The following EDA2R variants were observed in gnomAD, a reference collection of about 807,000 sequenced individuals.
EDA2R encodes the protein ectodysplasin A2 receptor.
EDA2R carries 26 observed loss-of-function variants against 20.1 expected under a neutral mutation model. The ratio of observed to expected loss-of-function variants is 1.30; its 90% CI spans 0.95 to 1.80. The LOEUF (loss-of-function observed/expected upper bound fraction) is 1.80. Among genes scored for constraint, EDA2R ranks in the 40% most tolerant of loss-of-function variants. The pLI, the probability that EDA2R is intolerant of heterozygous loss-of-function variation, is 0.00. For missense variants in EDA2R, 277 were observed against 228.7 expected (o/e 1.21, Z -1.36); for synonymous variants, 114 against 88.7 (o/e 1.29, Z -1.60).
At chrX:66,606,145 G>A (rs1433936009) in intron 2 of EDA2R, among the ~76,000 whole-genome samples, 1 of 112,127 alleles carries the variant, frequency 8.9e-6, no homozygotes, top group African/African-American at 3.2e-5. Flanking sequence ...GCTCCTGCCT[G>A]ATACCAGTCA....
chrX:66,632,119 T>C (rs1017452058), intron 1 of EDA2R, among the ~76,000 whole-genome samples: 2 of 111,423 alleles, frequency 1.8e-5, no homozygotes, highest in African/African-American at 6.5e-5. Context: ...ATGGCAGAAG[T>C]TAAATCATGG....
chrX:66,620,965 C>CAAA lies in EDA2R; in HGVS notation c.-10-4938_-10-4936dup, dbSNP rs376190384. On this transcript the variant is annotated intron_variant, in intron 1 of 6. Coordinates refer to ENST00000374719, the MANE Select transcript of EDA2R (RefSeq NM_021783.5). ...TAAAACAGCACTTTATATCCACTACCAAAAAAAAAAAAAAAAAAAAAAAAT... is the reference window on the plus strand; with the variant it reads ...TAAAACAGCACTTTATATCCACTACCAAAAAAAAAAAAAAAAAAAAAAAAAAAT... 8.3e-4 allele frequency among the ~76,000 whole-genome samples: 46 copies of CAAA among 55,283 alleles called. 1 individual carries two copies. The highest frequency in any genetic ancestry group is 3.1e-3 in the South Asian group (2 of 652). The allele number at this position is 55,283 out of a possible 115,157, so 48.0% of individuals were successfully genotyped here.
At position 66,596,212 on chromosome X, in the gene EDA2R, C is replaced by A. The variant is rs1927426087; in HGVS notation, c.*1892G>T. Reference sequence around the variant, plus strand: ...GACCAATAACCCCTTTGTAGAAAGACACATAAAAGCACAGTGCTCAAAGAA... The same window carrying A: ...GACCAATAACCCCTTTGTAGAAAGAAACATAAAAGCACAGTGCTCAAAGAA... On this transcript the variant is annotated 3_prime_UTR_variant, in exon 7 of 7. Transcript: ENST00000374719. The A allele has an allele frequency of 9.0e-6, 1 of 110,542 alleles. No individual in the cohort carries two copies. Among genetic ancestry groups the A allele is most frequent in the South Asian group, 3.8e-4 (1 of 2,605 alleles). The allele number at this position is 110,542 out of a possible 1,213,427, so 9.1% of individuals were successfully genotyped here.
At chrX:66,628,395 A>G (rs1433445764) in intron 1 of EDA2R, among the ~76,000 whole-genome samples, 2 of 111,295 alleles carry the variant, frequency 1.8e-5, no homozygotes, top group Admixed American at 1.9e-4. Context: ...TAAATAAAAC[A>G]AAAAGCTGGT....
intron 2 of EDA2R, among the ~76,000 whole-genome samples, 175 bp from the exon 3 acceptor site, chrX:66,605,401 G>A (rs899517911): frequency 8.9e-6 from 1 of 112,613 alleles, no homozygotes; most frequent in Admixed American, 9.3e-5. Flanking sequence ...GAATGAAATA[G>A]AATAATAGTA....
chrX:66,603,558 C>A (rs1319905040), intron 4 of EDA2R, among the ~76,000 whole-genome samples: 1 of 111,339 alleles, frequency 9.0e-6, no homozygotes, highest in Admixed American at 9.5e-5. Flanking sequence ...GTCTAGAATG[C>A]ACAGTCAAAT....
chrX:66,621,884 A>G (rs1932684598), intron 1 of EDA2R, among the ~76,000 whole-genome samples: 1 of 112,259 alleles, frequency 8.9e-6, no homozygotes, highest in Non-Finnish European at 1.9e-5. Context: ...TAAAAAGGTA[A>G]ATCTTATAGT....
At chrX:66,624,579 A>G (rs1467555278) in intron 1 of EDA2R, among the ~76,000 whole-genome samples, 1 of 112,026 alleles carries the variant, frequency 8.9e-6, no homozygotes, top group Non-Finnish European at 1.9e-5. Context: ...AGGAACAGAC[A>G]GATCTGAGAT....
At chrX:66,624,254 C>T (rs1254459692) in intron 1 of EDA2R, among the ~76,000 whole-genome samples, 1 of 111,903 alleles carries the variant, frequency 8.9e-6, no homozygotes, top group Non-Finnish European at 1.9e-5. Context: ...TGCAGTGGCT[C>T]CCGCCTGGAA....
rs373550390 is a variant in EDA2R at position 66,616,040 on chromosome X, G to C, written c.-10-10C>G. ...ATCCATGGTGGGAAGGCTGTGGGTA[G>C]AGAACACAAGAACTAGCAAGCTAGT... On this transcript the variant is annotated splice_polypyrimidine_tract_variant and intron_variant, in intron 1 of 6. Coordinates refer to ENST00000374719, the MANE Select transcript of EDA2R (RefSeq NM_021783.5). 8 of 1,143,093 alleles carry C rather than the reference G, an allele frequency of 7.0e-6. No individual in the cohort carries two copies. Among genetic ancestry groups the C allele is most frequent in the Non-Finnish European group, 9.6e-6 (8 of 835,728 alleles). 94.2% of individuals were successfully genotyped at this position (1,143,093 alleles called of 1,213,427 possible). A position where few individuals can be genotyped will look rare whatever the true frequency, so the allele number is the denominator to read the frequency against.
chrX:66,614,658 G>A (rs1185707341), intron 2 of EDA2R, among the ~76,000 whole-genome samples: 2 of 112,214 alleles, frequency 1.8e-5, no homozygotes, highest in African/African-American at 6.5e-5. Flanking sequence ...ATTAGTGCTT[G>A]TATCTCTTGA....
chrX:66,602,557 C>A (rs990378479), intron 5 of EDA2R, 76 bp downstream of exon 5: 2 of 1,065,303 alleles, frequency 1.9e-6, no homozygotes, highest in East Asian at 3.4e-5. Context: ...TGTCTCTCAA[C>A]CCCAGAACAT....
At chrX:66,610,867 G>A (rs1298291206) in intron 2 of EDA2R, among the ~76,000 whole-genome samples, 2 of 111,301 alleles carry the variant, frequency 1.8e-5, no homozygotes, top group Admixed American at 9.6e-5. Context: ...AGGCTGCAGG[G>A]GGCACTTGAG....
chrX:66,598,513 A>T (rs1927873355), intron 6 of EDA2R, among the ~76,000 whole-genome samples: 1 of 111,681 alleles, frequency 9.0e-6, no homozygotes, highest in Admixed American at 9.5e-5. Flanking sequence ...ATATACATTG[A>T]GAAGTAGTCA....
intron 4 of EDA2R, 35 bp from the exon 5 acceptor site, chrX:66,602,832 A>C: frequency 8.8e-7 from 1 of 1,134,385 alleles, no homozygotes; most frequent in East Asian, 3.2e-5. Flanking sequence ...GTCAGTTAGC[A>C]TGGGCAGTAA....
chrX:66,608,682 T>C (rs1463962699), intron 2 of EDA2R, among the ~76,000 whole-genome samples: 2 of 110,921 alleles, frequency 1.8e-5, no homozygotes, highest in African/African-American at 6.6e-5. Flanking sequence ...AAGAAGAGAG[T>C]CCTTCAGGCT....
In EDA2R at chrX:66,638,439, G is replaced by A. The variant is rs7060534; in HGVS notation, c.-11+556C>T. On this transcript the variant is annotated intron_variant, in intron 1 of 6. Coordinates refer to ENST00000374719, the MANE Select transcript of EDA2R (RefSeq NM_021783.5). ...TGCTGGGTCTTGGCCAGTGTTTGGA[G>A]TGAGGCAGGATCAAAATAACACTGC... Among the ~76,000 whole-genome samples the A allele has an allele frequency of 1.8e-3, 202 of 111,239 alleles. 2 individuals are homozygous for A. Among genetic ancestry groups the A allele is most frequent in the African/African-American group, 6.5e-3 (200 of 30,572 alleles).
At chrX:66,632,723 T>A (rs187948288) in intron 1 of EDA2R, among the ~76,000 whole-genome samples, 223 of 111,492 alleles carry the variant, frequency 2.0e-3, no homozygotes, top group Middle Eastern at 0.014. Flanking sequence ...GGACTGAGGA[T>A]GTGTCATTTT....
intron 5 of EDA2R, among the ~76,000 whole-genome samples, chrX:66,601,388 C>T (rs1449000195): frequency 1.8e-5 from 2 of 111,846 alleles, no homozygotes; most frequent in Non-Finnish European, 3.8e-5. Context: ...CACAGTGTCC[C>T]AGGAGCTAGC....
Sources: allele counts gnomAD v4.1 joint callset (sites outside exome capture counted in the v4.1 genomes callset), GRCh38; gene constraint gnomAD v4.1.1; transcripts MANE v1.5; gene names NCBI Gene and HGNC (gene_info 2026-07-23, HGNC 2026-07-21).